Variants in FNIP2 observed in about 807,000 individuals in gnomAD.
FNIP2 encodes the protein folliculin-interacting protein 2.
FNIP2 carries 32 observed loss-of-function variants against 108.7 expected under a neutral mutation model. The ratio of observed to expected loss-of-function variants is 0.29; its 90% CI spans 0.22 to 0.40. FNIP2 has a LOEUF of 0.40. Ranked by LOEUF, FNIP2 falls within the 10% of genes least tolerant of loss-of-function variation. The pLI, the probability that FNIP2 is intolerant of heterozygous loss-of-function variation, is 1.00. For missense variants in FNIP2, 1,202 were observed against 1,381.6 expected (o/e 0.87, Z 2.06); for synonymous variants, 480 against 496.7 (o/e 0.97, Z 0.45).
intron 7 of FNIP2, among the ~76,000 whole-genome samples, chr4:158,847,344 C>A (rs1273201043): frequency 6.6e-6 from 1 of 152,268 alleles, no homozygotes; most frequent in East Asian, 1.9e-4. Flanking sequence ...GGAGAGACTC[C>A]TTTCTTCCAC....
intron 1 of FNIP2, 140 bp downstream of exon 1, chr4:158,769,459 C>A: frequency 2.2e-6 from 1 of 461,230 alleles, no homozygotes; most frequent in Non-Finnish European, 3.6e-6. Flanking sequence ...CCGGGCTTGT[C>A]AGCGTGGACG....
chr4:158,868,296 A>G lies in FNIP2; in HGVS notation c.1660A>G (p.Ile554Val). The stretch of plus-strand genomic sequence containing the variant: ...CCAAGTTTTAAATGGGAGCAAGATC[A>G]TAACAGCCTTGGAGAAAGGAGAGGT... Reference protein sequence around the residue: ...GDQVLNGSKIITALEKGEVEE... With the variant: ...GDQVLNGSKIVTALEKGEVEE... Residue 554 changes from isoleucine to valine, a missense_variant, in exon 13 of 17, where the codon ATA (isoleucine) becomes GTA (valine). Transcript: ENST00000264433. The surrounding 1 kb of genome is among the most constrained non-coding windows in gnomAD (Gnocchi z 4.6). 1.2e-6 allele frequency: 2 copies of G among 1,614,094 alleles called. No homozygotes were observed. Among genetic ancestry groups the G allele is most frequent in the South Asian group, 1.1e-5 (1 of 91,084 alleles).
chr4:158,799,849 A>G (rs1388613755), intron 1 of FNIP2, among the ~76,000 whole-genome samples: 1 of 152,200 alleles, frequency 6.6e-6, no homozygotes, highest in African/African-American at 2.4e-5. Flanking sequence ...TCATAAGGAA[A>G]ATAGGTTGTA....
At chr4:158,773,712 G>A (rs1775770151) in intron 1 of FNIP2, among the ~76,000 whole-genome samples, 5 of 152,072 alleles carry the variant, frequency 3.3e-5, no homozygotes, top group Non-Finnish European at 7.4e-5. Flanking sequence ...GAATTGAACT[G>A]TTTTCACTTG....
intron 1 of FNIP2, among the ~76,000 whole-genome samples, chr4:158,797,650 G>A (rs906334687): frequency 6.6e-6 from 1 of 152,160 alleles, no homozygotes; most frequent in African/African-American, 2.4e-5. Context: ...AGTGAGGTGT[G>A]ATCTTGCCAC....
intron 14 of FNIP2, chr4:158,871,408 T>G (rs1417509597): frequency 1.0e-6 from 1 of 955,350 alleles, no homozygotes; most frequent in Non-Finnish European, 1.2e-6. Context: ...CAACAAGTAT[T>G]TTTTTTTTTG....
intron 14 of FNIP2, among the ~76,000 whole-genome samples, chr4:158,883,054 CA>C (rs1338537349): frequency 6.7e-6 from 1 of 149,402 alleles, no homozygotes; most frequent in African/African-American, 2.5e-5. Context: ...TCAGAAACTA[CA>C]AGAAGCTATC....
At chr4:158,896,544 G>C (rs2126785861) in intron 16 of FNIP2, among the ~76,000 whole-genome samples, 1 of 152,258 alleles carries the variant, frequency 6.6e-6, no homozygotes, top group South Asian at 2.1e-4. Context: ...CCCCTCACTT[G>C]GGAGAAGAAA....
intron 1 of FNIP2, among the ~76,000 whole-genome samples, chr4:158,818,090 A>G (rs573778599): frequency 2.0e-5 from 3 of 152,356 alleles, no homozygotes; most frequent in Admixed American, 2.0e-4. Flanking sequence ...GAAAGGAAGG[A>G]AGAAATTCTG....
chr4:158,854,767 A>G (rs759643399), intron 8 of FNIP2, among the ~76,000 whole-genome samples: 7 of 152,242 alleles, frequency 4.6e-5, no homozygotes, highest in Non-Finnish European at 1.0e-4. Flanking sequence ...AGACTTAAGC[A>G]GGAAAACCCA....
intron 1 of FNIP2, among the ~76,000 whole-genome samples, chr4:158,785,609 G>A (rs1231972222): frequency 6.6e-6 from 1 of 151,926 alleles, no homozygotes; most frequent in Non-Finnish European, 1.5e-5. Context: ...AATTACAGGC[G>A]TGAGGTCCCG....
chr4:158,867,336 G>T (rs72971348), intron 12 of FNIP2, among the ~76,000 whole-genome samples: 156 of 152,234 alleles, frequency 1.0e-3, no homozygotes, highest in African/African-American at 3.6e-3. Flanking sequence ...GGGACTACAG[G>T]TGCACACCAG....
chr4:158,904,668 T>A lies in FNIP2; in HGVS notation c.*124T>A. On this transcript the variant is annotated 3_prime_UTR_variant, in exon 17 of 17. Coordinates refer to ENST00000264433, the MANE Select transcript of FNIP2 (RefSeq NM_020840.3). Reference sequence around the variant, plus strand: ...AGCAAACAGAAACAGTCATTCCACCTTTTTGTTTTGTGTTTTTGCTGTCAA... The same window carrying A: ...AGCAAACAGAAACAGTCATTCCACCATTTTGTTTTGTGTTTTTGCTGTCAA... 1.2e-6 allele frequency: 1 copy of A among 847,212 alleles called. No homozygotes were observed. The allele number at this position is 847,212 out of a possible 1,614,324, so 52.5% of individuals were successfully genotyped here.
At chr4:158,887,868 T>G (rs1782102636) in intron 14 of FNIP2, among the ~76,000 whole-genome samples, 1 of 151,938 alleles carries the variant, frequency 6.6e-6, no homozygotes, top group Non-Finnish European at 1.5e-5. Context: ...TTCTGAAAAC[T>G]TAGAGATTGA....
Position 158,869,032 on chromosome 4 carries a change from G to A in FNIP2, c.2396G>A (p.Arg799Lys). ...GESDKGFAED[R>K]GSRNDMAADI... ...TCTGACAAGGGTTTTGCAGAGGACA[G>A]AGGCAGCAGAAACGACATGGCAGCA... The change falls in exon 13 of 17, where the codon AGA becomes AAA. Residue 799 changes from arginine to lysine, a missense_variant. By Grantham distance (26) the Arg-to-Lys change is conservative. This residue lies in a region of FNIP2 where 878 missense variants were observed against 990.3 expected (regional missense o/e 0.89). Coordinates refer to ENST00000264433, the MANE Select transcript of FNIP2 (RefSeq NM_020840.3). 1 of 1,614,060 alleles carries A rather than the reference G, an allele frequency of 6.2e-7. No homozygotes were observed. Among genetic ancestry groups the A allele is most frequent in the Non-Finnish European group, 8.5e-7 (1 of 1,179,900 alleles).
At chr4:158,780,606 T>C (rs1776010103) in intron 1 of FNIP2, among the ~76,000 whole-genome samples, 1 of 152,204 alleles carries the variant, frequency 6.6e-6, no homozygotes, top group African/African-American at 2.4e-5. Context: ...AGTGGTTTAC[T>C]AGTGACCCTG....
At chr4:158,790,789 G>A (rs6828968) in intron 1 of FNIP2, among the ~76,000 whole-genome samples, 149,325 of 152,300 alleles carry the variant, frequency 0.98, 73,268 homozygotes, top group East Asian at 1. Context: ...AAAGTGATCA[G>A]TAAAGGTTAG....
chr4:158,793,375 A>C (rs1382121482), intron 1 of FNIP2, among the ~76,000 whole-genome samples: 1 of 152,248 alleles, frequency 6.6e-6, no homozygotes, highest in African/African-American at 2.4e-5. Context: ...AATACAGTGT[A>C]CTTTTTCAGT....
At chr4:158,847,335 G>A (rs1458798497) in intron 7 of FNIP2, among the ~76,000 whole-genome samples, 1 of 152,104 alleles carries the variant, frequency 6.6e-6, no homozygotes, top group Non-Finnish European at 1.5e-5. Flanking sequence ...GTAGCTCCAG[G>A]AGAGACTCCT....
Sources: allele counts gnomAD v4.1 joint callset (sites outside exome capture counted in the v4.1 genomes callset), GRCh38; gene constraint gnomAD v4.1.1; regional missense constraint gnomAD v4.1.1; non-coding constraint Gnocchi (gnomAD v3.1); transcripts MANE v1.5; gene names NCBI Gene and HGNC (gene_info 2026-07-23, HGNC 2026-07-21).